SPPL3: variants seen among roughly 807,000 people sequenced by gnomAD.
SPPL3 encodes the protein signal peptide peptidase-like 3.
In SPPL3, 5 loss-of-function variants were observed where a neutral mutation model predicts 42.4. That is an observed-to-expected ratio of 0.12 (90% confidence interval 0.06 to 0.25). The LOEUF (loss-of-function observed/expected upper bound fraction) is 0.25. Ranked by LOEUF, SPPL3 falls within the 10% of genes least tolerant of loss-of-function variation. The pLI, the probability that SPPL3 is intolerant of heterozygous loss-of-function variation, is 1.00. For synonymous variants in SPPL3, 195 were observed against 181.8 expected, an observed-to-expected ratio of 1.07 and a Z score of -0.58; for missense variants, 235 against 489.0, an observed-to-expected ratio of 0.48 and a Z score of 4.90.
chr12:120,846,290 A>C (rs1253080148), intron 1 of SPPL3, among the ~76,000 whole-genome samples: 1 of 152,236 alleles, frequency 6.6e-6, no homozygotes. Flanking sequence ...ACAATAAAAT[A>C]ATTTTCTAAC....
At chr12:120,782,583 CTG>C (rs1215542010) in intron 6 of SPPL3, 70 bp downstream of exon 6, 1 of 1,177,386 alleles carries the variant, frequency 8.5e-7, no homozygotes, top group East Asian at 2.6e-5. Flanking sequence ...TTGTACAGCT[CTG>C]TGAATATCCT....
intron 2 of SPPL3, among the ~76,000 whole-genome samples, chr12:120,793,996 C>T (rs1169879069): frequency 6.6e-6 from 1 of 152,208 alleles, no homozygotes; most frequent in Non-Finnish European, 1.5e-5. Flanking sequence ...GGGAGTGGTA[C>T]TGAAATCTTC....
At chr12:120,882,278 A>T (rs901487440) in intron 1 of SPPL3, among the ~76,000 whole-genome samples, 1 of 152,094 alleles carries the variant, frequency 6.6e-6, no homozygotes. Context: ...TGGGATGTGG[A>T]TAAGAGGGGA....
At chr12:120,791,697 A>G in intron 2 of SPPL3, 140 bp from the exon 3 acceptor site, 3 of 618,540 alleles carry the variant, frequency 4.9e-6, no homozygotes, top group Non-Finnish European at 8.5e-6. Context: ...AGCTCTTGTA[A>G]CATTTTAAAA....
intron 6 of SPPL3, chr12:120,770,163 C>T (rs1869062847): frequency 6.6e-6 from 1 of 152,094 alleles, no homozygotes. Context: ...TACTCAGCCT[C>T]CTGAGTAGCT....
chr12:120,843,168 T>C (rs1407227060), intron 1 of SPPL3, among the ~76,000 whole-genome samples: 1 of 152,112 alleles, frequency 6.6e-6, no homozygotes, highest in African/African-American at 2.4e-5. Context: ...AGGTAGGAGG[T>C]ATACATATAC....
chr12:120,893,294 C>CA (rs1212089065), intron 1 of SPPL3, among the ~76,000 whole-genome samples: 2 of 151,822 alleles, frequency 1.3e-5, no homozygotes, highest in Admixed American at 6.6e-5. Flanking sequence ...ACTAAAAATA[C>CA]AAAAAATTAT....
At chr12:120,845,402 G>A (rs1592992153) in intron 1 of SPPL3, 2 of 379,164 alleles carry the variant, frequency 5.3e-6, no homozygotes, top group African/African-American at 2.1e-5. Flanking sequence ...AGGCCTGTGT[G>A]TTCTGGAAGT....
chr12:120,903,708 A>AG (rs1218093069), intron 1 of SPPL3, 137 bp downstream of exon 1: 4 of 725,000 alleles, frequency 5.5e-6, no homozygotes, highest in South Asian at 2.3e-5. Context: ...GGTGGGGAAG[A>AG]GGGGGGCGTG....
chr12:120,853,353 A>G (rs901370671), intron 1 of SPPL3, among the ~76,000 whole-genome samples: 2 of 152,230 alleles, frequency 1.3e-5, no homozygotes, highest in African/African-American at 4.8e-5. Context: ...TTAGACAAAT[A>G]AAGTACACTG....
intron 1 of SPPL3, among the ~76,000 whole-genome samples, chr12:120,841,256 C>T (rs535757887): frequency 2.0e-4 from 31 of 151,768 alleles, no homozygotes; most frequent in African/African-American, 5.6e-4. Flanking sequence ...ACCCGGGAGG[C>T]GGAGGCTGTG....
In SPPL3 at chr12:120,764,985, TTCCACGTGATCCATC is replaced by T; in HGVS notation, c.1154_*13del. 1.2e-6 allele frequency: 2 copies of T among 1,613,592 alleles called. No individual in the cohort carries two copies. Among genetic ancestry groups the T allele is most frequent in the Non-Finnish European group, 8.5e-7 (1 of 1,179,740 alleles). ...GGACTATGACGGCCATCTGGTCACT[TTCCACGTGATCCATC>T]ATACTTCCAGGAATCGGGAGCTGCT... On this transcript the variant is annotated stop_retained_variant and 3_prime_UTR_variant, in exon 11 of 11. Transcript: ENST00000353487.
At chr12:120,773,610 AGAC>A (rs1869203476) in intron 6 of SPPL3, among the ~76,000 whole-genome samples, 1 of 152,166 alleles carries the variant, frequency 6.6e-6, no homozygotes, top group Non-Finnish European at 1.5e-5. Flanking sequence ...TGACACATGT[AGAC>A]GACCTGTCCC....
At chr12:120,892,614 T>C (rs1274705118) in intron 1 of SPPL3, among the ~76,000 whole-genome samples, 2 of 152,274 alleles carry the variant, frequency 1.3e-5, no homozygotes, top group East Asian at 3.9e-4. Flanking sequence ...CAGATTGTTT[T>C]GAAAGTCAGA....
At chr12:120,839,725 A>G (rs1871743731) in intron 1 of SPPL3, among the ~76,000 whole-genome samples, 4 of 152,304 alleles carry the variant, frequency 2.6e-5, no homozygotes, top group East Asian at 1.9e-4. Context: ...ACAGACTGTA[A>G]AACAGTGCAG....
chr12:120,784,591 T>G lies in SPPL3; in HGVS notation c.193A>C (p.Ile65Leu). ...GCCTGGGTAGAGTCAATTGTTTGGA[T>G]GCCTGAAAGAGAAAAACAGACAGAT... ...SFNGNSTNNS[I>L]QTIDSTQALF... Residue 65 changes from isoleucine (I) to leucine (L), a missense_variant and splice_region_variant, in exon 4 of 11, where the codon ATC becomes CTC. Around this residue, in one of 6 missense-constraint regions of SPPL3, gnomAD observed 110 missense variants for 186.2 expected, o/e 0.59. Transcript: ENST00000353487. The G allele has an allele frequency of 1.2e-6, 2 of 1,604,186 alleles. No individual in the cohort carries two copies. Among genetic ancestry groups the G allele is most frequent in the Non-Finnish European group, 1.7e-6 (2 of 1,176,846 alleles).
At chr12:120,879,445 T>A (rs1287970878) in intron 1 of SPPL3, among the ~76,000 whole-genome samples, 1 of 152,068 alleles carries the variant, frequency 6.6e-6, no homozygotes, top group Admixed American at 6.6e-5. Context: ...CCCAAAATAA[T>A]GTTAAAGGAG....
In SPPL3 at chr12:120,791,900, C is replaced by G. The variant is rs1303050104; in HGVS notation, c.102-343G>C. The G allele has an allele frequency of 3.9e-5, 10 of 257,792 alleles. 1 individual carries two copies. The South Asian group carries it at 4.3e-4, about 11-fold the overall frequency. 16.0% of individuals were successfully genotyped at this position (257,792 alleles called of 1,614,324 possible). On this transcript the variant is annotated intron_variant, in intron 2 of 10. Coordinates refer to ENST00000353487, the MANE Select transcript of SPPL3 (RefSeq NM_139015.5). ...TTTGAGACTTTTACATACCACACAA[C>G]TGTTCGCAAAAAGGCTGCATCAGTT...
intron 1 of SPPL3, among the ~76,000 whole-genome samples, chr12:120,843,932 T>C (rs1176344278): frequency 1.3e-5 from 2 of 152,196 alleles, no homozygotes; most frequent in Admixed American, 6.5e-5. Flanking sequence ...CACTCCAGTC[T>C]GGGCAACAGA....
Sources: gnomAD v4.1 joint callset for allele counts (sites outside exome capture counted in the v4.1 genomes callset) on GRCh38, gnomAD v4.1.1 for gene constraint, gnomAD v4.1.1 regional missense constraint, MANE v1.5 for transcripts, NCBI Gene and HGNC (gene_info 2026-07-23, HGNC 2026-07-21) for gene names.